Variants in GRID1 observed in about 807,000 individuals in gnomAD.
GRID1 encodes the protein glutamate ionotropic receptor delta type subunit 1.
Under a neutral mutation model 98.0 loss-of-function variants are expected in GRID1, and 28 were observed. The ratio of observed to expected loss-of-function variants is 0.29; its 90% CI spans 0.21 to 0.39. The LOEUF is 0.39. Ranked by LOEUF, GRID1 falls within the 10% of genes least tolerant of loss-of-function variation. The pLI is 1.00. For synonymous variants in GRID1, 553 were observed against 538.5 expected, an observed-to-expected ratio of 1.03 and a Z score of -0.37; for missense variants, 1,111 against 1,340.5, an observed-to-expected ratio of 0.83 and a Z score of 2.67.
At chr10:85,991,649 T>C (rs1277490485) in intron 4 of GRID1, among the ~76,000 whole-genome samples, 1 of 152,138 alleles carries the variant, frequency 6.6e-6, no homozygotes, top group African/African-American at 2.4e-5. Context: ...CAGGAGGCAG[T>C]GCTTCACTGT....
chr10:86,331,887 C>G (rs923607142), intron 2 of GRID1, among the ~76,000 whole-genome samples: 1 of 152,228 alleles, frequency 6.6e-6, no homozygotes, highest in African/African-American at 2.4e-5. Context: ...TCTGCCAGGT[C>G]AGACTGGGAA....
intron 4 of GRID1, among the ~76,000 whole-genome samples, chr10:85,972,119 G>A (rs1193332682): frequency 6.6e-6 from 1 of 151,334 alleles, no homozygotes; most frequent in African/African-American, 2.4e-5. Flanking sequence ...CTCATGTTGT[G>A]TCTCAGAAAA....
chr10:85,870,444 C>T (rs1843267341), intron 5 of GRID1, among the ~76,000 whole-genome samples: 3 of 152,320 alleles, frequency 2.0e-5, no homozygotes, highest in African/African-American at 7.2e-5. Context: ...TGGAACTTCA[C>T]CTTGTGATCG....
chr10:85,831,436 A>T (rs936187218), intron 8 of GRID1, among the ~76,000 whole-genome samples: 1 of 150,736 alleles, frequency 6.6e-6, no homozygotes, highest in African/African-American at 2.5e-5. Context: ...AAGCTAAAAT[A>T]AGTTTTATAA....
chr10:86,024,153 C>T (rs971880262), intron 4 of GRID1, among the ~76,000 whole-genome samples: 6 of 152,138 alleles, frequency 3.9e-5, no homozygotes, highest in East Asian at 1.9e-4. Flanking sequence ...ATGGGCAGTC[C>T]GGGATGAGAT....
chr10:86,356,772 G>A (rs1412638156), intron 2 of GRID1, among the ~76,000 whole-genome samples: 2 of 152,192 alleles, frequency 1.3e-5, no homozygotes, highest in Non-Finnish European at 2.9e-5. Flanking sequence ...CACAGCCATG[G>A]GTAACCAAGT....
intron 4 of GRID1, among the ~76,000 whole-genome samples, chr10:86,098,395 G>C (rs566700877): frequency 2.6e-5 from 4 of 152,158 alleles, no homozygotes; most frequent in African/African-American, 9.7e-5. Flanking sequence ...AGCACTCATC[G>C]GTCCCTGCAG....
intron 15 of GRID1, among the ~76,000 whole-genome samples, chr10:85,608,161 A>T (rs1346936268): frequency 6.6e-6 from 1 of 152,160 alleles, no homozygotes; most frequent in Non-Finnish European, 1.5e-5. Context: ...CAAGAAATTC[A>T]TCCTCCCCAT....
At chr10:86,064,004 A>G (rs1474759677) in intron 4 of GRID1, among the ~76,000 whole-genome samples, 1 of 152,116 alleles carries the variant, frequency 6.6e-6, no homozygotes, top group Non-Finnish European at 1.5e-5. Flanking sequence ...CTAGAAGAAG[A>G]GATACAAAGA....
intron 2 of GRID1, among the ~76,000 whole-genome samples, chr10:86,271,715 A>G (rs1370603855): frequency 6.6e-6 from 1 of 152,224 alleles, no homozygotes; most frequent in Admixed American, 6.5e-5. Flanking sequence ...AAACTATCCA[A>G]AGTTAAATAC....
At chr10:85,634,158 G>A (rs558757315) in intron 13 of GRID1, among the ~76,000 whole-genome samples, 58 of 146,474 alleles carry the variant, frequency 4.0e-4, no homozygotes, top group Middle Eastern at 3.6e-3. Flanking sequence ...CAACAAGAGC[G>A]AAACTCCATC....
intron 8 of GRID1, among the ~76,000 whole-genome samples, chr10:85,794,835 T>G (rs897952797): frequency 6.6e-6 from 1 of 152,202 alleles, no homozygotes; most frequent in African/African-American, 2.4e-5. Flanking sequence ...CAAACACTGA[T>G]GTAGAAGTGT....
In GRID1 at chr10:86,036,077, A is replaced by T. The variant is rs1040335136; in HGVS notation, c.726+102742T>A. On this transcript the variant is annotated intron_variant, in intron 4 of 15. Transcript: ENST00000327946. ...GGAAGGCAGGTGATCAGCCTGGTAT[A>T]TGGAGAAGGAAGCCCAGAGAAACAG... Among the ~76,000 whole-genome samples the T allele has an allele frequency of 5.3e-5, 8 of 152,322 alleles. No individual in the cohort carries two copies. In the East Asian group the frequency reaches 5.8e-4, roughly 11 times the overall value.
intron 8 of GRID1, among the ~76,000 whole-genome samples, chr10:85,738,083 C>T (rs1415678625): frequency 1.3e-5 from 2 of 152,038 alleles, no homozygotes; most frequent in Non-Finnish European, 2.9e-5. Context: ...CAAACCTCCA[C>T]TGGATGGAGC....
chr10:85,792,407 C>T (rs1842488785), intron 8 of GRID1, among the ~76,000 whole-genome samples: 1 of 152,130 alleles, frequency 6.6e-6, no homozygotes, highest in Non-Finnish European at 1.5e-5. Flanking sequence ...TGGCGAGGTG[C>T]CTTTCAATAT....
chr10:85,707,148 A>G (rs1352911967), intron 12 of GRID1, among the ~76,000 whole-genome samples: 1 of 152,208 alleles, frequency 6.6e-6, no homozygotes, highest in East Asian at 1.9e-4. Context: ...TGCACAGCAA[A>G]AGAAACTACC....
chr10:85,761,312 G>A (rs1459511855), intron 8 of GRID1, among the ~76,000 whole-genome samples: 3 of 152,206 alleles, frequency 2.0e-5, no homozygotes, highest in Admixed American at 6.5e-5. Context: ...AGCAGCTTTA[G>A]AAACAGCTTG....
At chr10:85,711,324 A>G (rs1226828916) in intron 12 of GRID1, among the ~76,000 whole-genome samples, 1 of 152,026 alleles carries the variant, frequency 6.6e-6, no homozygotes, top group Non-Finnish European at 1.5e-5. Context: ...TACACAAGCT[A>G]CAACATGGAT....
intron 8 of GRID1, among the ~76,000 whole-genome samples, chr10:85,798,812 C>A (rs1842549661): frequency 6.6e-6 from 1 of 152,016 alleles, no homozygotes; most frequent in South Asian, 2.1e-4. Context: ...CAGGTTGTCT[C>A]TTCACTGTTG....
Sources: gnomAD v4.1 joint callset for allele counts (sites outside exome capture counted in the v4.1 genomes callset) on GRCh38, gnomAD v4.1.1 for gene constraint, MANE v1.5 for transcripts, NCBI Gene and HGNC (gene_info 2026-07-23, HGNC 2026-07-21) for gene names.